TRDN: variants seen among roughly 807,000 people sequenced by gnomAD.
TRDN encodes the protein triadin in skeletal muscle.
A neutral mutation model predicts 149.7 loss-of-function variants in TRDN; 161 were observed. The ratio of observed to expected loss-of-function variants is 1.08; its 90% CI spans 0.95 to 1.23. The LOEUF (loss-of-function observed/expected upper bound fraction) is 1.23. TRDN is among the 50% of genes most tolerant of loss of function. The probability of loss-of-function intolerance (pLI) is 0.00; values close to 1 mark genes in which losing one functional copy is unlikely to be tolerated. For missense variants in TRDN, 896 were observed against 823.5 expected (o/e 1.09, Z -1.08); for synonymous variants, 294 against 250.5 (o/e 1.17, Z -1.64).
chr6:123,223,652 G>A (rs1317172386), intron 39 of TRDN, among the ~76,000 whole-genome samples: 1 of 149,172 alleles, frequency 6.7e-6, no homozygotes, highest in Non-Finnish European at 1.5e-5. Flanking sequence ...GAGTGCAGGG[G>A]TTGAGTCCAG....
intron 9 of TRDN, among the ~76,000 whole-genome samples, chr6:123,476,751 C>T (rs1265910117): frequency 7.4e-5 from 11 of 148,958 alleles, no homozygotes; most frequent in South Asian, 2.1e-4. Flanking sequence ...TCAGAAATAA[C>T]GCCGCATATC....
At chr6:123,331,854 T>C in intron 23 of TRDN, 25 bp downstream of exon 23, 2 of 1,473,726 alleles carry the variant, frequency 1.4e-6, no homozygotes, top group Non-Finnish European at 1.8e-6. Context: ...TCAATGTGGC[T>C]TCACATTTCA....
intron 1 of TRDN, among the ~76,000 whole-genome samples, chr6:123,577,173 C>T (rs543649155): frequency 9.1e-4 from 138 of 152,118 alleles, no homozygotes; most frequent in African/African-American, 3.1e-3. Context: ...GTTCTAGTGG[C>T]TTGGAAATTG....
At chr6:123,321,102 T>C (rs1351918660) in intron 23 of TRDN, among the ~76,000 whole-genome samples, 1 of 152,144 alleles carries the variant, frequency 6.6e-6, no homozygotes, top group Admixed American at 6.6e-5. Flanking sequence ...GAAAACGTGG[T>C]GGCTGAGGAC....
intron 24 of TRDN, among the ~76,000 whole-genome samples, chr6:123,310,011 T>C (rs187043587): frequency 2.2e-3 from 334 of 152,142 alleles, no homozygotes; most frequent in Admixed American, 3.9e-3. Context: ...ATGGTACTAC[T>C]GTAGTGATTT....
At chr6:123,456,933 G>A (rs187016602) in intron 10 of TRDN, 12 of 439,750 alleles carry the variant, frequency 2.7e-5, no homozygotes, top group East Asian at 1.4e-4. Context: ...AGACCAGATC[G>A]CAAACAAATG....
chr6:123,387,964 C>A (rs1781969694), intron 14 of TRDN, among the ~76,000 whole-genome samples: 1 of 152,148 alleles, frequency 6.6e-6, no homozygotes, highest in South Asian at 2.1e-4. Context: ...CACTGGATCT[C>A]TTGAATCTAC....
chr6:123,271,287 A>C, intron 29 of TRDN, 101 bp from the exon 30 acceptor site: 1 of 743,996 alleles, frequency 1.3e-6, no homozygotes, highest in Non-Finnish European at 2.0e-6. Context: ...TGCCAATGCC[A>C]AGAAAAACTT....
chr6:123,365,054 A>G (rs1321550294), intron 20 of TRDN, among the ~76,000 whole-genome samples: 1 of 152,214 alleles, frequency 6.6e-6, no homozygotes, highest in African/African-American at 2.4e-5. Context: ...TATCATGATC[A>G]CCTAGCTAAA....
chr6:123,492,071 T>C (rs908127194), intron 9 of TRDN, among the ~76,000 whole-genome samples: 1 of 152,198 alleles, frequency 6.6e-6, no homozygotes, highest in Non-Finnish European at 1.5e-5. Flanking sequence ...TCTTTCTAGC[T>C]ATGGACTTAA....
At chr6:123,347,242 G>T (rs141744929) in intron 21 of TRDN, among the ~76,000 whole-genome samples, 72 of 152,160 alleles carry the variant, frequency 4.7e-4, no homozygotes, top group African/African-American at 1.5e-3. Context: ...AATATAGTAC[G>T]TACTGAAAAA....
chr6:123,249,163 C>T (rs1776289043), intron 38 of TRDN, among the ~76,000 whole-genome samples: 1 of 152,018 alleles, frequency 6.6e-6, no homozygotes, highest in Non-Finnish European at 1.5e-5. Flanking sequence ...AGAATACATA[C>T]AATCAGCCAA....
At chr6:123,603,607 C>T (rs1485472740) in intron 1 of TRDN, among the ~76,000 whole-genome samples, 5 of 152,070 alleles carry the variant, frequency 3.3e-5, no homozygotes, top group Non-Finnish European at 7.4e-5. Context: ...ATGTTCCAGA[C>T]ATTGTTTCAT....
At chr6:123,306,119 T>C (rs941361804) in intron 24 of TRDN, among the ~76,000 whole-genome samples, 1 of 152,172 alleles carries the variant, frequency 6.6e-6, no homozygotes, top group African/African-American at 2.4e-5. Flanking sequence ...TAAAGCCAAC[T>C]CTTCCAACAG....
intron 2 of TRDN, among the ~76,000 whole-genome samples, chr6:123,555,885 T>C (rs1781629435): frequency 6.6e-6 from 1 of 152,198 alleles, no homozygotes; most frequent in South Asian, 2.1e-4. Context: ...TACTGTGCTA[T>C]AATCTTTGCA....
chr6:123,222,089 T>C lies in TRDN; in HGVS notation c.2015-567A>G, dbSNP rs1413406149. Among the ~76,000 whole-genome samples, 23 of 151,758 alleles carry C rather than the reference T, an allele frequency of 1.5e-4. 1 individual carries two copies. Among genetic ancestry groups the C allele is most frequent in the Admixed American group, 1.5e-3 (23 of 15,182 alleles). ...GTAGTGTTGCATAGCTTGAAACTAT[T>C]TCTTTGAATCCCTTTCTTCCGATTA... On this transcript the variant is annotated intron_variant, in intron 39 of 40. Transcript: ENST00000334268.
chr6:123,267,756 A>G lies in TRDN; in HGVS notation c.1739-5T>C. ...TTTCTCGATGTTCAGCTTTTTCTAG[A>G]GAAAGAAATCAAAATTCACTGGCAA... On this transcript the variant is annotated splice_region_variant and splice_polypyrimidine_tract_variant and intron_variant, in intron 31 of 40. Transcript: ENST00000334268. The G allele has an allele frequency of 6.4e-7, 1 of 1,568,322 alleles. No individual in the cohort carries two copies. Among genetic ancestry groups the G allele is most frequent in the Non-Finnish European group, 8.6e-7 (1 of 1,157,108 alleles).
At chr6:123,380,554 A>G (rs754486801) in intron 16 of TRDN, among the ~76,000 whole-genome samples, 10 of 152,146 alleles carry the variant, frequency 6.6e-5, no homozygotes, top group Non-Finnish European at 7.4e-5. Context: ...CATTTTTACA[A>G]CGTTGAATGT....
At chr6:123,533,447 A>T (rs1780350337) in intron 4 of TRDN, among the ~76,000 whole-genome samples, 1 of 152,060 alleles carries the variant, frequency 6.6e-6, no homozygotes. Context: ...TCTAACTTAG[A>T]TTTTGCAGAA....
Sources: gnomAD v4.1 joint callset for allele counts (sites outside exome capture counted in the v4.1 genomes callset) on GRCh38, gnomAD v4.1.1 for gene constraint, MANE v1.5 for transcripts, NCBI Gene and HGNC (gene_info 2026-07-23, HGNC 2026-07-21) for gene names.